The following CUBN variants were observed in gnomAD, a reference collection of about 807,000 sequenced individuals.
The protein encoded by CUBN is 460 kDa receptor.
CUBN carries 282 observed loss-of-function variants against 405.3 expected under a neutral mutation model. The observed-to-expected ratio is 0.70, with a 90% CI of 0.63 to 0.77. The LOEUF is 0.77. CUBN is among the 30% of genes least tolerant of loss of function. The probability of loss-of-function intolerance (pLI) is 0.00; values close to 1 mark genes in which losing one functional copy is unlikely to be tolerated. For missense variants in CUBN, 4,514 were observed against 4,475.2 expected, an observed-to-expected ratio of 1.01 and a Z score of -0.25; for synonymous variants, 1,684 against 1,617.0, an observed-to-expected ratio of 1.04 and a Z score of -0.99.
intron 59 of CUBN, among the ~76,000 whole-genome samples, chr10:16,851,913 TTTCC>T (rs1839708002): frequency 8.5e-6 from 1 of 118,126 alleles, no homozygotes; most frequent in African/African-American, 3.2e-5. Context: ...TGACTCTATC[TTTCC>T]CTCCCTCCCT....
intron 64 of CUBN, among the ~76,000 whole-genome samples, chr10:16,832,981 T>A (rs1839053690): frequency 6.6e-6 from 1 of 152,064 alleles, no homozygotes; most frequent in Non-Finnish European, 1.5e-5. Flanking sequence ...TTTCTTTGCT[T>A]ATGGGACAGG....
chr10:17,079,329 G>C (rs1192740734), intron 17 of CUBN, among the ~76,000 whole-genome samples: 1 of 147,260 alleles, frequency 6.8e-6, no homozygotes, highest in Non-Finnish European at 1.5e-5. Context: ...TCCACCTCTT[G>C]GATTCAAGTG....
At chr10:17,087,687 G>A (rs1473553299) in intron 15 of CUBN, among the ~76,000 whole-genome samples, 1 of 151,806 alleles carries the variant, frequency 6.6e-6, no homozygotes, top group East Asian at 1.9e-4. Flanking sequence ...TGTTGGCCAG[G>A]CTGTCTCCAA....
At chr10:16,916,934 C>A (rs1841900897) in intron 45 of CUBN, among the ~76,000 whole-genome samples, 1 of 151,872 alleles carries the variant, frequency 6.6e-6, no homozygotes, top group Non-Finnish European at 1.5e-5. Context: ...CTGCCTCAGC[C>A]TCCTGAGTAG....
rs116377742 is a variant in CUBN, at chr10:17,029,460, G to A, written c.4018-9477C>T. On this transcript the variant is annotated intron_variant, in intron 27 of 66. Transcript: ENST00000377833. ...ACGACACTACAAAGCATCTGGCTTC[G>A]CTAACTAATGGATATACTTCATTCT... Among the ~76,000 whole-genome samples the A allele has an allele frequency of 3.4e-3, 515 of 152,282 alleles. 1 individual carries two copies. Among genetic ancestry groups the A allele is most frequent in the African/African-American group, 0.011 (478 of 41,568 alleles).
chr10:17,070,831 T>C (rs928630439), intron 19 of CUBN, among the ~76,000 whole-genome samples: 13 of 152,314 alleles, frequency 8.5e-5, no homozygotes, highest in Admixed American at 2.6e-4. Flanking sequence ...ACTCGTTCCC[T>C]TTCATTCTGG....
At chr10:16,911,123 G>C (rs56364946) in intron 48 of CUBN, among the ~76,000 whole-genome samples, 1 of 152,188 alleles carries the variant, frequency 6.6e-6, no homozygotes, top group African/African-American at 2.4e-5. Context: ...TTTTACTACA[G>C]AAGGTAGAGA....
chr10:17,126,807 T>A lies in CUBN; in HGVS notation c.349-8A>T, dbSNP rs188559699. 6.2e-7 allele frequency: 1 copy of A among 1,614,088 alleles called. No homozygotes were observed. The highest frequency in any genetic ancestry group is 1.1e-5 in the South Asian group (1 of 91,080). On this transcript the variant is annotated splice_region_variant and splice_polypyrimidine_tract_variant and intron_variant, in intron 3 of 66. Coordinates refer to ENST00000377833, the MANE Select transcript of CUBN (RefSeq NM_001081.4). ...TCTCTCAAGATCCACCAGCTGGCAA[T>A]AGGGAAGAAAAAGCTTCAGTTAGCT...
chr10:16,906,030 C>T (rs1233184212), intron 50 of CUBN, among the ~76,000 whole-genome samples, 173 bp downstream of exon 50: 2 of 152,168 alleles, frequency 1.3e-5, no homozygotes, highest in Non-Finnish European at 2.9e-5. Context: ...AAGAGGATCA[C>T]CTGAGCCTGG....
chr10:17,066,890 A>G (rs1296548823), intron 21 of CUBN, among the ~76,000 whole-genome samples: 1 of 152,130 alleles, frequency 6.6e-6, no homozygotes, highest in Non-Finnish European at 1.5e-5. Flanking sequence ...AAAATCCTGG[A>G]CAAAAACGTA....
At chr10:17,013,657 C>T (rs371343897) in intron 28 of CUBN, among the ~76,000 whole-genome samples, 115 of 152,316 alleles carry the variant, frequency 7.6e-4, no homozygotes, top group Middle Eastern at 3.4e-3. Flanking sequence ...TATTGCAGCA[C>T]GGGCATGTAG....
At chr10:16,852,826 G>A (rs1839759110) in intron 59 of CUBN, among the ~76,000 whole-genome samples, 1 of 152,294 alleles carries the variant, frequency 6.6e-6, no homozygotes, top group East Asian at 1.9e-4. Flanking sequence ...AACAAACCAA[G>A]AAAATTGCTG....
In CUBN at chr10:17,127,875, C is replaced by G; in HGVS notation, c.302G>C (p.Gly101Ala). Residue 101 changes from glycine (G) to alanine (A), a missense_variant, in exon 3 of 67, where the codon GGT becomes GCT. This residue lies in a region of CUBN where 1,448 missense variants were observed against 1,388.0 expected (regional missense o/e 1.04). Coordinates refer to ENST00000377833, the MANE Select transcript of CUBN (RefSeq NM_001081.4). ...TTGACTAGATATATTTTGAGGCAGA[C>G]CAATTGCACTCCCTTTTAACTCTAT... ...DIIELKGSAI[G>A]LPQNISSQIY... The G allele has an allele frequency of 6.2e-7, 1 of 1,613,078 alleles. No individual in the cohort carries two copies. The highest frequency in any genetic ancestry group is 1.3e-5 in the African/African-American group (1 of 75,008).
intron 40 of CUBN, among the ~76,000 whole-genome samples, chr10:16,932,668 C>T (rs1486023137): frequency 6.6e-6 from 1 of 152,132 alleles, no homozygotes; most frequent in Admixed American, 6.6e-5. Flanking sequence ...TCAAGTGATC[C>T]TTCTCCTCGA....
At chr10:16,937,377 TA>T (rs374458845) in intron 39 of CUBN, among the ~76,000 whole-genome samples, 2 of 152,280 alleles carry the variant, frequency 1.3e-5, no homozygotes, top group East Asian at 3.9e-4. Context: ...CTAATTAATA[TA>T]AAAAATATAA....
At position 16,913,901 on chromosome 10, in the gene CUBN, T is replaced by C; in HGVS notation, c.7443A>G (p.Arg2481=). The change falls in exon 48 of 67, where the codon AGA becomes AGG. Residue 2481 remains arginine (R), a synonymous_variant. Transcript: ENST00000377833. ...PNPHGRICEW[R]ITAPEGRRIT... is the part of the protein sequence containing the mutation. ...TCCGCCTTCCCTCCGGGGCAGTGAT[T>C]CTCCACTCGCAGATCCGGCCATGAG... 1 of 1,614,036 alleles carries C rather than the reference T, an allele frequency of 6.2e-7. No individual in the cohort carries two copies. The highest frequency in any genetic ancestry group is 8.5e-7 in the Non-Finnish European group (1 of 1,180,010).
At chr10:16,962,220 T>A (rs1843245965) in intron 31 of CUBN, among the ~76,000 whole-genome samples, 1 of 152,170 alleles carries the variant, frequency 6.6e-6, no homozygotes, top group Admixed American at 6.5e-5. Context: ...GATACAATAC[T>A]TAGGAGAGTG....
At chr10:17,001,753 C>T (rs533392007) in intron 28 of CUBN, among the ~76,000 whole-genome samples, 16 of 152,300 alleles carry the variant, frequency 1.1e-4, no homozygotes, top group African/African-American at 3.1e-4. Flanking sequence ...ATAATATCTT[C>T]AGACAAATTT....
chr10:17,016,504 T>G (rs1324094491), intron 28 of CUBN, among the ~76,000 whole-genome samples: 1 of 152,058 alleles, frequency 6.6e-6, no homozygotes, highest in Non-Finnish European at 1.5e-5. Flanking sequence ...AGATATCTCT[T>G]CAAGTGAGAT....
Sources: gnomAD v4.1 joint callset for allele counts (sites outside exome capture counted in the v4.1 genomes callset) on GRCh38, gnomAD v4.1.1 for gene constraint, gnomAD v4.1.1 regional missense constraint, MANE v1.5 for transcripts, NCBI Gene and HGNC (gene_info 2026-07-23, HGNC 2026-07-21) for gene names.